The following CD8A variants were observed in gnomAD, a reference collection of about 807,000 sequenced individuals.
CD8A encodes the protein T-cell surface glycoprotein CD8 alpha chain.
A neutral mutation model predicts 24.2 loss-of-function variants in CD8A; 25 were observed. The observed-to-expected ratio is 1.03, with a 90% CI of 0.75 to 1.44. The LOEUF is 1.44. CD8A is among the 40% of genes most tolerant of loss of function. The pLI is 0.00. For missense variants in CD8A, 360 were observed against 319.7 expected (o/e 1.13, Z -0.96); for synonymous variants, 165 against 149.9 (o/e 1.10, Z -0.74).
At chr2:86,805,917 C>A (rs142621750) in intron 2 of CD8A, among the ~76,000 whole-genome samples, 2 of 152,028 alleles carry the variant, frequency 1.3e-5, no homozygotes, top group African/African-American at 4.8e-5. Flanking sequence ...AGGCTCGTTT[C>A]TTTTTCTTTC....
chr2:86,790,737 C>T (rs1420473819), intron 1 of CD8A, 40 bp downstream of exon 1: 7 of 1,528,752 alleles, frequency 4.6e-6, no homozygotes, highest in Non-Finnish European at 6.1e-6. Context: ...CCGCCCCCCG[C>T]CCGCCCCATC....
rs1236062084 is a variant in CD8A, at chr2:86,790,440, G to A, written c.291C>T (p.Thr97=). 1 of 1,614,160 alleles carries A rather than the reference G, an allele frequency of 6.2e-7. No individual in the cohort carries two copies. Among genetic ancestry groups the A allele is most frequent in the Admixed American group, 1.7e-5 (1 of 60,036 alleles). Residue 97 remains threonine, a synonymous_variant, in exon 2 of 6, where the codon ACC becomes ACT. Coordinates refer to ENST00000283635, the MANE Select transcript of CD8A (RefSeq NM_001768.7). Reference sequence around the variant, plus strand: ...GGAAGTCGCTCAGGGTGAGGACGAAGGTGTCCCCCAACCTCTTGCCCGAGA... The same window carrying A: ...GGAAGTCGCTCAGGGTGAGGACGAAAGTGTCCCCCAACCTCTTGCCCGAGA... The part of the protein sequence containing the change: ...QRFSGKRLGD[T]FVLTLSDFRR...
intron 4 of CD8A, among the ~76,000 whole-genome samples, chr2:86,788,887 G>A (rs901576777): frequency 5.9e-5 from 9 of 152,278 alleles, no homozygotes; most frequent in African/African-American, 1.9e-4. Context: ...GACCTGATCC[G>A]GCACCTCTCT....
At chr2:86,786,100 T>C in intron 5 of CD8A, 129 bp from the exon 6 acceptor site, 1 of 786,168 alleles carries the variant, frequency 1.3e-6, no homozygotes, top group Non-Finnish European at 2.3e-6. Flanking sequence ...GGCACCAGCA[T>C]GGGACTGGGT....
chr2:86,797,176 G>A lies in CD8A; in HGVS notation c.-271+4335C>T, dbSNP rs556434504. 5.9e-5 allele frequency among the ~76,000 whole-genome samples: 9 copies of A among 152,286 alleles called. No individual in the cohort carries two copies. In the South Asian group the frequency reaches 1.9e-3, roughly 32 times the overall value. On this transcript the variant is annotated intron_variant, in intron 3 of 8. Transcript: ENST00000409511. ...GAAGCGTTCTGAATGCAACTGGAGA[G>A]CCAGGATTTGAGTTCAGAAGAGGGG...
chr2:86,799,829 C>CT (rs1673607445), intron 3 of CD8A, among the ~76,000 whole-genome samples: 1 of 152,088 alleles, frequency 6.6e-6, no homozygotes, highest in African/African-American at 2.4e-5. Flanking sequence ...GCTTTGGGGC[C>CT]TCATCCCTCT....
At chr2:86,803,495 G>A (rs987657676) in intron 2 of CD8A, among the ~76,000 whole-genome samples, 2 of 152,146 alleles carry the variant, frequency 1.3e-5, no homozygotes, top group Non-Finnish European at 2.9e-5. Flanking sequence ...TATGCTAAAT[G>A]AAAGAAGCCA....
At chr2:86,803,210 T>G (rs1315227776) in intron 2 of CD8A, among the ~76,000 whole-genome samples, 1 of 152,192 alleles carries the variant, frequency 6.6e-6, no homozygotes, top group Non-Finnish European at 1.5e-5. Context: ...AACCCAAGTG[T>G]TTATTACTGG....
upstream of CD8A, chr2:86,791,081 G>A (rs1673288688): frequency 2.9e-6 from 2 of 696,160 alleles, no homozygotes; most frequent in Non-Finnish European, 5.2e-6. Context: ...CCAGGCAACT[G>A]GGGGCAGCTG....
At chr2:86,799,416 T>G (rs996853762) in intron 3 of CD8A, among the ~76,000 whole-genome samples, 5 of 152,176 alleles carry the variant, frequency 3.3e-5, no homozygotes, top group African/African-American at 1.2e-4. Flanking sequence ...CGTTAGAAAT[T>G]GCCAAAGAAT....
chr2:86,789,901 TGC>T, intron 2 of CD8A, 151 bp from the exon 3 acceptor site: 1 of 556,394 alleles, frequency 1.8e-6, no homozygotes, highest in Non-Finnish European at 3.0e-6. Context: ...GACCCCGGGA[TGC>T]GCGCGGACCC....
At chr2:86,793,504 G>A (rs1429075488), upstream of CD8A, among the ~76,000 whole-genome samples, 1 of 152,220 alleles carries the variant, frequency 6.6e-6, no homozygotes, top group Non-Finnish European at 1.5e-5. Flanking sequence ...AGGGAGACAA[G>A]GAAGCAATCA....
rs2944249 is a variant in CD8A at position 86,790,689 on chromosome 2, C to G, written c.50-8G>C. 9.2e-5 allele frequency: 146 copies of G among 1,594,606 alleles called. No homozygotes were observed. Among genetic ancestry groups the G allele is most frequent in the Non-Finnish European group, 1.2e-4 (145 of 1,177,732 alleles). ...GGCTCGGCCTGGCGGCGTCTGCAGG[C>G]GGCAAGCAGCGAGGCTGAGCCCGCA... On this transcript the variant is annotated splice_polypyrimidine_tract_variant and splice_region_variant and intron_variant, in intron 1 of 5. Transcript: ENST00000283635.
rs17852285 is a variant in CD8A, at chr2:86,790,396, T to C, written c.335A>G (p.Tyr112Cys). The C allele has an allele frequency of 1.6e-5, 26 of 1,613,914 alleles. No individual in the cohort carries two copies. Among genetic ancestry groups the C allele is most frequent in the African/African-American group, 2.7e-5 (2 of 74,912 alleles). Reference sequence around the variant, plus strand: ...GTTGCTCAGGGCCGAGCAGAAATAGTAGCCCTCGTTCTCTCGGCGGAAGTC... The same window carrying C: ...GTTGCTCAGGGCCGAGCAGAAATAGCAGCCCTCGTTCTCTCGGCGGAAGTC... ...LSDFRRENEGYYFCSALSNSI... is the reference protein window; with the variant it reads ...LSDFRRENEGCYFCSALSNSI... Residue 112 changes from tyrosine (Y) to cysteine (C), a missense_variant, in exon 2 of 6, where the codon TAC (tyrosine) becomes TGC (cysteine). Transcript: ENST00000283635.
rs1439958775 is a variant in CD8A, at chr2:86,790,595, G to A, written c.136C>T (p.Leu46=). Residue 46 remains leucine, a synonymous_variant, in exon 2 of 6, where the codon CTG becomes TTG. Coordinates refer to ENST00000283635, the MANE Select transcript of CD8A (RefSeq NM_001768.7). ...CAGCCCGACGTCGGGTTGGACAGCA[G>A]CACCTGGCACTTCAGCTCCACTGTC... ...GETVELKCQV[L]LSNPTSGCSW... The A allele has an allele frequency of 1.2e-6, 2 of 1,610,796 alleles. No individual in the cohort carries two copies. Among genetic ancestry groups the A allele is most frequent in the Non-Finnish European group, 1.7e-6 (2 of 1,179,684 alleles).
upstream of CD8A, chr2:86,791,267 G>C (rs151271605): frequency 8.6e-5 from 32 of 372,378 alleles, no homozygotes; most frequent in Middle Eastern, 9.3e-4. Context: ...GGCGTCTCTT[G>C]TACTGTCACC....
intron 3 of CD8A, among the ~76,000 whole-genome samples, chr2:86,799,027 T>C (rs13019439): frequency 0.2 from 30,457 of 152,244 alleles, 3,296 homozygotes; most frequent in Non-Finnish European, 0.25. Context: ...TTTTAAATGC[T>C]GTGTGGTGTA....
chr2:86,805,382 G>T (rs1175349148), intron 2 of CD8A, among the ~76,000 whole-genome samples: 1 of 152,190 alleles, frequency 6.6e-6, no homozygotes, highest in African/African-American at 2.4e-5. Context: ...TGATTCGAAA[G>T]ATGTGTCCCA....
At chr2:86,795,100 G>A (rs1673438599), upstream of CD8A, among the ~76,000 whole-genome samples, 1 of 152,120 alleles carries the variant, frequency 6.6e-6, no homozygotes, top group Non-Finnish European at 1.5e-5. Flanking sequence ...GAGCACAATG[G>A]TTTGTTTGCC....
Sources: gnomAD v4.1 joint callset for allele counts (sites outside exome capture counted in the v4.1 genomes callset) on GRCh38, gnomAD v4.1.1 for gene constraint, MANE v1.5 for transcripts, NCBI Gene and HGNC (gene_info 2026-07-23, HGNC 2026-07-21) for gene names.